The following C7orf57 variants were observed in gnomAD, a reference collection of about 807,000 sequenced individuals.
C7orf57 encodes the protein chromosome 7 open reading frame 57.
C7orf57 carries 33 observed loss-of-function variants against 39.0 expected under a neutral mutation model. The observed-to-expected ratio is 0.85, with a 90% confidence interval of 0.64 to 1.13. The LOEUF (loss-of-function observed/expected upper bound fraction) is 1.13, where lower values mean the gene tolerates loss of function less well. Among genes scored for constraint, C7orf57 ranks in the 50% most tolerant of loss-of-function variants. C7orf57 has a pLI of 0.00. For synonymous variants in C7orf57, 124 were observed against 137.1 expected, an observed-to-expected ratio of 0.90 and a Z score of 0.67; for missense variants, 346 against 362.3, an observed-to-expected ratio of 0.95 and a Z score of 0.37.
intron 2 of C7orf57, among the ~76,000 whole-genome samples, chr7:48,039,174 G>C (rs907493272): frequency 9.2e-5 from 14 of 152,184 alleles, no homozygotes; most frequent in Admixed American, 9.2e-4. Flanking sequence ...CCCCACAAGA[G>C]ACAGCTTTGT....
intron 2 of C7orf57, among the ~76,000 whole-genome samples, chr7:48,039,721 A>G (rs1489701887): frequency 2.6e-5 from 4 of 151,876 alleles, no homozygotes; most frequent in Admixed American, 2.6e-4. Context: ...TACCTACCCA[A>G]GAAGAGGATA....
Position 48,036,339 on chromosome 7 carries a change from G to T in C7orf57, c.31G>T (p.Ala11Ser). 3.1e-6 allele frequency: 5 copies of T among 1,589,700 alleles called. No homozygotes were observed. Among genetic ancestry groups the T allele is most frequent in the South Asian group, 2.3e-5 (2 of 87,308 alleles). ...GAACACAAGCAAGGAACTTCAGGGC[G>T]CCACGCACCGCTACGCTCCCTGCGG... MRNTSKELQGATHRYAPCDWY... is the reference protein window; with the variant it reads MRNTSKELQGSTHRYAPCDWY... The change falls in exon 2 of 9, where the codon GCC (alanine) becomes TCC (serine). Residue 11 changes from alanine to serine, a missense_variant. Transcript: ENST00000348904.
At position 48,041,411 on chromosome 7, in the gene C7orf57, A is replaced by C. The variant is rs1790544556; in HGVS notation, c.133A>C (p.Ser45Arg). 3 of 1,613,992 alleles carry C rather than the reference A, an allele frequency of 1.9e-6. No individual in the cohort carries two copies. The highest frequency in any genetic ancestry group is 2.7e-5 in the African/African-American group (2 of 75,058). Residue 45 changes from serine to arginine, a missense_variant, in exon 3 of 9, where the codon AGC (serine) becomes CGC (arginine). Coordinates refer to ENST00000348904, the MANE Select transcript of C7orf57 (RefSeq NM_001100159.3). ...APPASQIPGL[S>R]NLGDSHSENL... The stretch of plus-strand genomic sequence containing the variant: ...ACCAGCGTCCCAGATCCCAGGTCTC[A>C]GCAATTTGGGAGACTCACACAGCGA...
intron 4 of C7orf57, 144 bp downstream of exon 4, chr7:48,043,733 C>A: frequency 1.4e-6 from 1 of 722,706 alleles, no homozygotes; most frequent in Non-Finnish European, 2.4e-6. Context: ...ATAGCCTGCT[C>A]TTTGAGGGAT....
chr7:48,044,743 A>G (rs1307031497), intron 4 of C7orf57, among the ~76,000 whole-genome samples: 13 of 152,228 alleles, frequency 8.5e-5, no homozygotes, highest in Admixed American at 3.9e-4. Context: ...CTAAATTTCT[A>G]TGTTCAATAT....
intron 8 of C7orf57, among the ~76,000 whole-genome samples, chr7:48,056,652 A>G (rs923838978): frequency 6.6e-6 from 1 of 152,174 alleles, no homozygotes; most frequent in Non-Finnish European, 1.5e-5. Context: ...ATGCTCAACC[A>G]GTAAGTATGC....
intron 3 of C7orf57, 33 bp from the exon 4 acceptor site, chr7:48,043,448 G>T (rs1790610990): frequency 1.3e-6 from 2 of 1,535,064 alleles, no homozygotes; most frequent in Admixed American, 1.7e-5. Context: ...GGGCGGCGGG[G>T]TGTCTCACAG....
chr7:48,046,761 T>A, intron 5 of C7orf57, 145 bp downstream of exon 5: 1 of 817,484 alleles, frequency 1.2e-6, no homozygotes, highest in Non-Finnish European at 1.9e-6. Context: ...AGTTTGGATC[T>A]ACTAAAAGGC....
chr7:48,052,290 T>C (rs1790977308), intron 6 of C7orf57, among the ~76,000 whole-genome samples: 1 of 152,152 alleles, frequency 6.6e-6, no homozygotes, highest in African/African-American at 2.4e-5. Context: ...TGTTTTTTGT[T>C]TTGTTTTTAA....
At chr7:48,051,824 TTTC>T (rs1790929220) in intron 6 of C7orf57, among the ~76,000 whole-genome samples, 5 of 27,248 alleles carry the variant, frequency 1.8e-4, no homozygotes, top group African/African-American at 7.6e-4. Context: ...CTTCTCTTTC[TTTC>T]TTTCTTTCTT....
At position 48,041,477 on chromosome 7, in the gene C7orf57, G is replaced by T. The variant is rs375449810; in HGVS notation, c.199G>T (p.Asp67Tyr). The T allele has an allele frequency of 4.0e-5, 64 of 1,613,320 alleles. No individual in the cohort carries two copies. The highest frequency in any genetic ancestry group is 7.7e-5 in the South Asian group (7 of 90,976). ...TCGGAGATACTGGATAAAAGAAACA[G>T]ATTCGGAATATGTGAAGCTCGCGAA... ...GTRRYWIKET[D>Y]SEYVKLAKQG... Residue 67 changes from aspartate to tyrosine, a missense_variant, in exon 3 of 9, where the codon GAT (aspartate) becomes TAT (tyrosine). By Grantham distance (160) the Asp-to-Tyr change is radical. Coordinates refer to ENST00000348904, the MANE Select transcript of C7orf57 (RefSeq NM_001100159.3).
chr7:48,041,413 C>A lies in C7orf57; in HGVS notation c.135C>A (p.Ser45Arg). 1.2e-6 allele frequency: 2 copies of A among 1,613,952 alleles called. No homozygotes were observed. Among genetic ancestry groups the A allele is most frequent in the Non-Finnish European group, 1.7e-6 (2 of 1,179,870 alleles). The change falls in exon 3 of 9, where the codon AGC (serine) becomes AGA (arginine). Residue 45 changes from serine to arginine, a missense_variant. Coordinates refer to ENST00000348904, the MANE Select transcript of C7orf57 (RefSeq NM_001100159.3). The part of the protein sequence containing the change: ...APPASQIPGL[S>R]NLGDSHSENL... ...CAGCGTCCCAGATCCCAGGTCTCAGCAATTTGGGAGACTCACACAGCGAGA... is the reference window on the plus strand; with the variant it reads ...CAGCGTCCCAGATCCCAGGTCTCAGAAATTTGGGAGACTCACACAGCGAGA...
At chr7:48,059,459 T>C (rs754113076) in intron 8 of C7orf57, among the ~76,000 whole-genome samples, 1 of 152,212 alleles carries the variant, frequency 6.6e-6, no homozygotes, top group Admixed American at 6.5e-5. Flanking sequence ...CAAGTGATCC[T>C]TCTGCCTCAG....
intron 8 of C7orf57, among the ~76,000 whole-genome samples, chr7:48,058,967 A>G (rs2128800206): frequency 6.6e-6 from 1 of 152,366 alleles, no homozygotes; most frequent in East Asian, 1.9e-4. Context: ...TTAACGTTTC[A>G]AATTAATGAA....
Position 48,051,858 on chromosome 7 carries a change from T to C in C7orf57, c.606-842T>C, listed in dbSNP as rs1562630283. Among the ~76,000 whole-genome samples the C allele has an allele frequency of 6.8e-4, 60 of 87,842 alleles. 10 individuals carry two copies. The highest frequency in any genetic ancestry group is 8.9e-5 in the Non-Finnish European group (4 of 44,718). The allele number at this position is 87,842 out of a possible 152,430, so 57.6% of individuals were successfully genotyped here. A position where few individuals can be genotyped will look rare whatever the true frequency, so the allele number is the denominator to read the frequency against. ...TTCTTTCTTTCTTTCTTTCTTTCTT[T>C]CTTTCTTTCTTTCTCTTTCTCTTTC... On this transcript the variant is annotated intron_variant, in intron 6 of 8. Transcript: ENST00000348904.
At chr7:48,048,871 T>C (rs1790793925) in intron 5 of C7orf57, among the ~76,000 whole-genome samples, 1 of 151,810 alleles carries the variant, frequency 6.6e-6, no homozygotes, top group Admixed American at 6.6e-5. Context: ...ACCGCCTAAA[T>C]CCAAGGGGCA....
rs1301248519 is a variant in C7orf57, at chr7:48,035,587, G to A, written c.-145G>A. On this transcript the variant is annotated 5_prime_UTR_variant, in exon 1 of 9. Transcript: ENST00000348904. The surrounding 1 kb of genome is among the most constrained non-coding windows in gnomAD (Gnocchi z 4.0). The stretch of plus-strand genomic sequence containing the variant: ...CAGCCAGCCGTGTAAAAACTCCAAC[G>A]CCGGGCGCCGCGGGCAGCACCCACG... 1 of 695,682 alleles carries A rather than the reference G, an allele frequency of 1.4e-6. No individual in the cohort carries two copies. The highest frequency in any genetic ancestry group is 2.6e-6 in the Non-Finnish European group (1 of 382,082). 43.1% of individuals were successfully genotyped at this position (695,682 alleles called of 1,614,324 possible). A position where few individuals can be genotyped will look rare whatever the true frequency, so the allele number is the denominator to read the frequency against.
chr7:48,046,900 C>T (rs1418202396), intron 5 of C7orf57, among the ~76,000 whole-genome samples: 1 of 152,182 alleles, frequency 6.6e-6, no homozygotes, highest in African/African-American at 2.4e-5. Flanking sequence ...CATAGCACTT[C>T]TTATCAGGCC....
rs1395913991 is a variant in C7orf57 at position 48,035,913 on chromosome 7, C to A, written c.-102+283C>A. On this transcript the variant is annotated intron_variant, in intron 1 of 8. Coordinates refer to ENST00000348904, the MANE Select transcript of C7orf57 (RefSeq NM_001100159.3). This position sits in a 1 kb window ranked among gnomAD's most constrained non-coding sequence, Gnocchi z 4.0. ...ACGTGCCCCCTCTGTGTGCCCCGCA[C>A]GCACGTGTCTCTGCTGAATACCCCG... Among the ~76,000 whole-genome samples the A allele has an allele frequency of 1.3e-5, 2 of 151,622 alleles. No individual in the cohort carries two copies. Among genetic ancestry groups the A allele is most frequent in the African/African-American group, 2.4e-5 (1 of 41,236 alleles).
Sources: allele counts gnomAD v4.1 joint callset (sites outside exome capture counted in the v4.1 genomes callset), GRCh38; gene constraint gnomAD v4.1.1; non-coding constraint Gnocchi (gnomAD v3.1); transcripts MANE v1.5; gene names NCBI Gene and HGNC (gene_info 2026-07-23, HGNC 2026-07-21).